Variants in TUBGCP3 observed in about 807,000 individuals in gnomAD.
The protein encoded by TUBGCP3 is gamma-tubulin complex component 3.
TUBGCP3 carries 50 observed loss-of-function variants against 123.1 expected under a neutral mutation model. That is an observed-to-expected ratio of 0.41 (90% CI 0.32 to 0.51). The LOEUF (loss-of-function observed/expected upper bound fraction) is 0.51. TUBGCP3 is among the 20% of genes least tolerant of loss of function. TUBGCP3 has a pLI of 0.36. For missense variants in TUBGCP3, 882 were observed against 1,127.0 expected, an observed-to-expected ratio of 0.78 and a Z score of 3.11; for synonymous variants, 405 against 413.9, an observed-to-expected ratio of 0.98 and a Z score of 0.26.
chr13:112,490,162 G>C (rs1879982175), intron 20 of TUBGCP3, among the ~76,000 whole-genome samples: 1 of 152,190 alleles, frequency 6.6e-6, no homozygotes, highest in Non-Finnish European at 1.5e-5. Context: ...TTTGGTACTG[G>C]AGATATACCC....
chr13:112,506,859 CTAAGGACAG>C (rs887889639), intron 17 of TUBGCP3, among the ~76,000 whole-genome samples: 4 of 152,180 alleles, frequency 2.6e-5, no homozygotes, highest in African/African-American at 9.7e-5. Context: ...CGGTGAGATT[CTAAGGACAG>C]TAACCACCAC....
chr13:112,595,441 C>T, the TUBGCP3 span, among the ~76,000 whole-genome samples: 2 of 152,200 alleles, frequency 1.3e-5, no homozygotes, highest in African/African-American at 4.8e-5. Flanking sequence ...TCGTGATCCA[C>T]CCGTCTCGGC....
intron 11 of TUBGCP3, among the ~76,000 whole-genome samples, chr13:112,543,723 T>C (rs188585274): frequency 6.6e-6 from 1 of 152,220 alleles, no homozygotes; most frequent in South Asian, 2.1e-4. Context: ...AGTACAATGA[T>C]TCTTCGTACT....
At chr13:112,547,261 CAA>C in intron 10 of TUBGCP3, 1 of 397,886 alleles carries the variant, frequency 2.5e-6, no homozygotes, top group Admixed American at 4.4e-5. Context: ...AAGGACCACA[CAA>C]GAGAGAAATC....
chr13:112,565,443 T>C (rs569357628), intron 2 of TUBGCP3, among the ~76,000 whole-genome samples: 1 of 152,164 alleles, frequency 6.6e-6, no homozygotes, highest in East Asian at 1.9e-4. Context: ...AATAATGGGA[T>C]TACTTACAGT....
intron 20 of TUBGCP3, among the ~76,000 whole-genome samples, chr13:112,496,672 C>T (rs1880545868): frequency 1.3e-5 from 2 of 152,138 alleles, no homozygotes; most frequent in South Asian, 4.1e-4. Context: ...CCAGCGGACA[C>T]GCCATTAGCA....
chr13:112,556,311 C>T (rs1285279771), intron 5 of TUBGCP3, 87 bp from the exon 6 acceptor site: 9 of 1,256,084 alleles, frequency 7.2e-6, no homozygotes, highest in Non-Finnish European at 7.8e-6. Context: ...GTATTACTAT[C>T]GTGAATTACA....
chr13:112,523,070 TGAG>T (rs1263995592), intron 13 of TUBGCP3, among the ~76,000 whole-genome samples: 5 of 152,226 alleles, frequency 3.3e-5, no homozygotes, highest in Admixed American at 3.3e-4. Flanking sequence ...AGCTTTCTAT[TGAG>T]AAGAAATTGC....
At chr13:112,576,468 TGA>T (rs1172483615) in intron 1 of TUBGCP3, among the ~76,000 whole-genome samples, 3 of 152,240 alleles carry the variant, frequency 2.0e-5, no homozygotes, top group African/African-American at 7.2e-5. Flanking sequence ...TGAAATCTGC[TGA>T]GAGTAAATCA....
intron 17 of TUBGCP3, among the ~76,000 whole-genome samples, chr13:112,509,907 C>T (rs1040358327): frequency 2.0e-5 from 3 of 152,192 alleles, no homozygotes; most frequent in Admixed American, 2.0e-4. Flanking sequence ...TCCATTTACA[C>T]CTGCCAACAT....
At chr13:112,565,199 T>A in intron 2 of TUBGCP3, 21 bp from the exon 3 acceptor site, 1 of 1,604,544 alleles carries the variant, frequency 6.2e-7, no homozygotes. Context: ...AGAAAAAAAA[T>A]AAGTGTGGTA....
At chr13:112,565,200 A>T (rs1170751417) in intron 2 of TUBGCP3, 22 bp from the exon 3 acceptor site, 7 of 1,606,016 alleles carry the variant, frequency 4.4e-6, no homozygotes, top group Non-Finnish European at 5.9e-6. Flanking sequence ...GAAAAAAAAT[A>T]AGTGTGGTAA....
intron 13 of TUBGCP3, among the ~76,000 whole-genome samples, chr13:112,526,587 C>G (rs1594145644): frequency 6.9e-6 from 1 of 144,066 alleles, no homozygotes; most frequent in Non-Finnish European, 1.5e-5. Context: ...ACACCATCAC[C>G]ACATCATCAC....
intron 3 of TUBGCP3, among the ~76,000 whole-genome samples, chr13:112,559,857 G>A (rs533327287): frequency 6.6e-5 from 10 of 152,312 alleles, no homozygotes; most frequent in Admixed American, 2.6e-4. Context: ...GGTCTGGGCC[G>A]GGAACAGGGG....
chr13:112,536,739 G>C (rs1417313821), intron 11 of TUBGCP3, among the ~76,000 whole-genome samples: 1 of 152,032 alleles, frequency 6.6e-6, no homozygotes, highest in Non-Finnish European at 1.5e-5. Context: ...GGATTCTTTA[G>C]TTTTCTATAA....
intron 13 of TUBGCP3, among the ~76,000 whole-genome samples, chr13:112,523,733 CCAG>C (rs1876815942): frequency 6.6e-6 from 1 of 152,162 alleles, no homozygotes; most frequent in East Asian, 1.9e-4. Context: ...GACACAGAAC[CCAG>C]AGCCTCCTCG....
intron 21 of TUBGCP3, 87 bp downstream of exon 21, chr13:112,489,494 C>T: frequency 8.6e-6 from 8 of 932,284 alleles, no homozygotes; most frequent in African/African-American, 4.8e-5. Context: ...ACAGGGCTGA[C>T]TCTGCTCTCA....
At chr13:112,573,499 G>A (rs1270178396) in intron 1 of TUBGCP3, among the ~76,000 whole-genome samples, 1 of 152,110 alleles carries the variant, frequency 6.6e-6, no homozygotes, top group African/African-American at 2.4e-5. Context: ...AAGTTACATG[G>A]TTCACAGCAA....
chr13:112,601,338 C>A, the TUBGCP3 span, among the ~76,000 whole-genome samples: 2 of 152,280 alleles, frequency 1.3e-5, no homozygotes, highest in East Asian at 1.9e-4. Flanking sequence ...TAATAATGCA[C>A]TTGCCATGAA....
Sources: allele counts gnomAD v4.1 joint callset (sites outside exome capture counted in the v4.1 genomes callset), GRCh38; gene constraint gnomAD v4.1.1; transcripts MANE v1.5; gene names NCBI Gene and HGNC (gene_info 2026-07-23, HGNC 2026-07-21).